The following KRT35 variants were observed in gnomAD, a reference collection of about 807,000 sequenced individuals.
The protein encoded by KRT35 is keratin 35.
In KRT35, 33 loss-of-function variants were observed where a neutral mutation model predicts 42.2. The observed-to-expected ratio is 0.78, with a 90% CI of 0.59 to 1.05. The LOEUF is 1.05. Among genes scored for constraint, KRT35 ranks in the 50% least tolerant of loss-of-function variants. The pLI, the probability that KRT35 is intolerant of heterozygous loss-of-function variation, is 0.00. For missense variants in KRT35, 585 were observed against 589.2 expected (o/e 0.99, Z 0.07); for synonymous variants, 218 against 238.2 (o/e 0.92, Z 0.78).
chr17:41,478,268 G>T, intron 5 of KRT35, 93 bp downstream of exon 5: 5 of 1,413,946 alleles, frequency 3.5e-6, no homozygotes, highest in Non-Finnish European at 4.8e-6. Flanking sequence ...TGGACCCCTG[G>T]AGTCCGCCTG....
Position 41,480,978 on chromosome 17 carries a change from T to C in KRT35, c.120A>G (p.Pro40=). Reference sequence around the variant, plus strand: ...AACTTCTGGCCACAGGGGAGAGACTTGGAAGCTTGCAAGAGCTGCTGGAGT... The same window carrying C: ...AACTTCTGGCCACAGGGGAGAGACTCGGAAGCTTGCAAGAGCTGCTGGAGT... ...AMYSSSSCKL[P]SLSPVARSFS... Residue 40 remains proline, a synonymous_variant, in exon 1 of 7, where the codon CCA becomes CCG. Transcript: ENST00000246639. 1.2e-6 allele frequency: 2 copies of C among 1,614,112 alleles called. No homozygotes were observed. Among genetic ancestry groups the C allele is most frequent in the South Asian group, 2.2e-5 (2 of 91,082 alleles).
rs746567833 is a variant in KRT35 at position 41,477,698 on chromosome 17, C to G, written c.1040G>C (p.Arg347Pro). 1.2e-6 allele frequency: 2 copies of G among 1,614,100 alleles called. No homozygotes were observed. Among genetic ancestry groups the G allele is most frequent in the African/African-American group, 2.7e-5 (2 of 74,918 alleles). ...CATCTGGGCCAGCTGGGAGCTATAG[C>G]GGGCCTCCGTCTCTGCCAGGGTGGA... ...LESTLAETEA[R>P]YSSQLAQMQC... The change falls in exon 6 of 7, where the codon CGC (arginine) becomes CCC (proline). Residue 347 changes from arginine to proline, a missense_variant. By Grantham distance (103) the Arg-to-Pro change is moderately radical. Coordinates refer to ENST00000246639, the MANE Select transcript of KRT35 (RefSeq NM_002280.6).
rs765349061 is a variant in KRT35, at chr17:41,478,495, TACAC to T, written c.874-13_874-10del. 24 of 1,612,814 alleles carry T rather than the reference TACAC, an allele frequency of 1.5e-5. No individual in the cohort carries two copies. Among genetic ancestry groups the T allele is most frequent in the Non-Finnish European group, 2.0e-5 (23 of 1,179,282 alleles). On this transcript the variant is annotated splice_polypyrimidine_tract_variant and intron_variant, in intron 4 of 6. Coordinates refer to ENST00000246639, the MANE Select transcript of KRT35 (RefSeq NM_002280.6). The stretch of plus-strand genomic sequence containing the variant: ...TGGTTCAGCTCCTCACTCTGAAACA[TACAC>T]ACACAGAACCTGGTCAGCCACACCA...
chr17:41,479,884 TC>T, intron 1 of KRT35, 103 bp from the exon 2 acceptor site: 6 of 864,524 alleles, frequency 6.9e-6, no homozygotes, highest in Non-Finnish European at 1.1e-5. Context: ...AAGTCACCCA[TC>T]CTAGACCTCT....
At position 41,479,919 on chromosome 17, in the gene KRT35, T is replaced by C. The variant is rs2019231332; in HGVS notation, c.472-138A>G. On this transcript the variant is annotated intron_variant, in intron 1 of 6. Coordinates refer to ENST00000246639, the MANE Select transcript of KRT35 (RefSeq NM_002280.6). ...CTGCTACTCCATGTGCATTGGAGTG[T>C]TATGGGCAGGCTCTAGGGATCAACT... 4.4e-6 allele frequency: 3 copies of C among 678,944 alleles called. No homozygotes were observed. In the African/African-American group the frequency reaches 5.4e-5, roughly 12 times the overall value. 42.1% of individuals were successfully genotyped at this position (678,944 alleles called of 1,614,324 possible).
intron 5 of KRT35, 63 bp downstream of exon 5, chr17:41,478,298 C>A (rs2144471145): frequency 6.4e-7 from 1 of 1,573,734 alleles, no homozygotes; most frequent in Non-Finnish European, 8.6e-7. Context: ...AGCATGGAAG[C>A]TGGGGAGCTT....
chr17:41,479,270 G>A, intron 3 of KRT35, 77 bp downstream of exon 3: 6 of 1,420,782 alleles, frequency 4.2e-6, no homozygotes, highest in Non-Finnish European at 5.7e-6. Flanking sequence ...CATCCCCAAT[G>A]CTCACCTCCT....
At position 41,477,059 on chromosome 17, in the gene KRT35, G is replaced by T; in HGVS notation, c.1365C>A (p.Phe455Leu). Residue 455 changes from phenylalanine to leucine, a missense_variant, in exon 7 of 7, where the codon TTC (phenylalanine) becomes TTA (leucine). Coordinates refer to ENST00000246639, the MANE Select transcript of KRT35 (RefSeq NM_002280.6). Reference protein sequence around the residue: ...PICVPCPGGRF With the variant: ...PICVPCPGGRL ...TGGCCATCTGGGTCACCCGCTCTCAGAACCGACCCCCTGGGCAGGGCACAC... is the reference window on the plus strand; with the variant it reads ...TGGCCATCTGGGTCACCCGCTCTCATAACCGACCCCCTGGGCAGGGCACAC... 6.4e-7 allele frequency: 1 copy of T among 1,564,200 alleles called. No homozygotes were observed. The highest frequency in any genetic ancestry group is 1.2e-5 in the South Asian group (1 of 81,832).
chr17:41,479,736 C>T lies in KRT35; in HGVS notation c.517G>A (p.Asp173Asn), dbSNP rs1295362475. Reference protein sequence around the residue: ...AENARLVVEIDNAKLAADDFR... With the variant: ...AENARLVVEINNAKLAADDFR... The stretch of plus-strand genomic sequence containing the variant: ...TCATCTGCAGCCAATTTGGCATTGT[C>T]AATCTCCACCACCAGCCTGGCATTC... Residue 173 changes from aspartate (D) to asparagine (N), a missense_variant, in exon 2 of 7, where the codon GAC (aspartate) becomes AAC (asparagine). Coordinates refer to ENST00000246639, the MANE Select transcript of KRT35 (RefSeq NM_002280.6). The T allele has an allele frequency of 6.2e-7, 1 of 1,614,174 alleles. No individual in the cohort carries two copies. The highest frequency in any genetic ancestry group is 2.2e-5 in the East Asian group (1 of 44,890).
intron 5 of KRT35, 25 bp downstream of exon 5, chr17:41,478,336 A>G: frequency 2.5e-6 from 4 of 1,609,230 alleles, no homozygotes; most frequent in Non-Finnish European, 3.4e-6. Flanking sequence ...GTCCAGAGGC[A>G]GCTCCACCCT....
rs1409505319 is a variant in KRT35, at chr17:41,477,757, T to G, written c.1000-19A>C. ...CATCTCTCTGTGAGGGCAAGAGTTG[T>G]GTAGGGAGGAAAAAGGCTAGAGGTC... On this transcript the variant is annotated intron_variant, in intron 5 of 6. Coordinates refer to ENST00000246639, the MANE Select transcript of KRT35 (RefSeq NM_002280.6). 1 of 1,607,132 alleles carries G rather than the reference T, an allele frequency of 6.2e-7. No homozygotes were observed. Among genetic ancestry groups the G allele is most frequent in the East Asian group, 2.2e-5 (1 of 44,716 alleles).
rs148470134 is a variant in KRT35 at position 41,480,121 on chromosome 17, C to T, written c.472-340G>A. Among the ~76,000 whole-genome samples, 298 of 152,308 alleles carry T rather than the reference C, an allele frequency of 2.0e-3. 2 individuals are homozygous for T. Among genetic ancestry groups the T allele is most frequent in the African/African-American group, 6.9e-3 (285 of 41,550 alleles). ...GCATTTCATTGCCAACAACATACCCCGGGATTCTCTGGTCATAAATGGTCC... is the reference window on the plus strand; with the variant it reads ...GCATTTCATTGCCAACAACATACCCTGGGATTCTCTGGTCATAAATGGTCC... On this transcript the variant is annotated intron_variant, in intron 1 of 6. Coordinates refer to ENST00000246639, the MANE Select transcript of KRT35 (RefSeq NM_002280.6).
intron 2 of KRT35, 32 bp downstream of exon 2, chr17:41,479,667 C>T: frequency 6.2e-7 from 1 of 1,602,440 alleles, no homozygotes; most frequent in Non-Finnish European, 8.5e-7. Flanking sequence ...GTTCTAGCAG[C>T]CCCCAACCAC....
chr17:41,477,804 T>A (rs933412155), intron 5 of KRT35, 66 bp from the exon 6 acceptor site: 13 of 1,507,968 alleles, frequency 8.6e-6, no homozygotes, highest in African/African-American at 1.4e-5. Context: ...AAGGAAGGAA[T>A]CTTCCTTGGA....
intron 4 of KRT35, 71 bp downstream of exon 4, chr17:41,478,763 C>T (rs1016701052): frequency 1.2e-5 from 17 of 1,456,472 alleles, no homozygotes; most frequent in African/African-American, 2.8e-5. Flanking sequence ...TTTCTTGATT[C>T]AGAGCCCCAG....
At chr17:41,479,034 G>A (rs757494100) in intron 3 of KRT35, 39 bp from the exon 4 acceptor site, 10 of 1,575,784 alleles carry the variant, frequency 6.3e-6, no homozygotes, top group Middle Eastern at 1.7e-4. Flanking sequence ...TTCCCAGAGG[G>A]CTGCCTCCAA....
At chr17:41,479,584 C>G in intron 2 of KRT35, 81 bp from the exon 3 acceptor site, 1 of 1,571,748 alleles carries the variant, frequency 6.4e-7, no homozygotes, top group East Asian at 2.2e-5. Flanking sequence ...TGTCCAGGTG[C>G]TGTGAGTCCT....
chr17:41,477,946 C>T (rs978581931), intron 5 of KRT35, among the ~76,000 whole-genome samples: 7 of 152,178 alleles, frequency 4.6e-5, no homozygotes, highest in Non-Finnish European at 7.4e-5. Flanking sequence ...TCAGTGAGGC[C>T]TCAGAATCCA....
Position 41,476,953 on chromosome 17 carries a change from G to T in KRT35, c.*103C>A. On this transcript the variant is annotated 3_prime_UTR_variant, in exon 7 of 7. Coordinates refer to ENST00000246639, the MANE Select transcript of KRT35 (RefSeq NM_002280.6). ...CTTTTCAGCCAGACCCTGGGCCTGG[G>T]CTCTGCGCGAAGAGAGGGGATTGGG... 1.7e-6 allele frequency: 2 copies of T among 1,174,640 alleles called. No individual in the cohort carries two copies. The highest frequency in any genetic ancestry group is 2.4e-6 in the Non-Finnish European group (2 of 840,308). The allele number at this position is 1,174,640 out of a possible 1,614,324, so 72.8% of individuals were successfully genotyped here.
Sources: gnomAD v4.1 joint callset for allele counts (sites outside exome capture counted in the v4.1 genomes callset) on GRCh38, gnomAD v4.1.1 for gene constraint, MANE v1.5 for transcripts, NCBI Gene and HGNC (gene_info 2026-07-23, HGNC 2026-07-21) for gene names.